CNTNAP2: variants seen among roughly 807,000 people sequenced by gnomAD.
CNTNAP2 encodes contactin-associated protein-like 2.
Under a neutral mutation model 155.2 loss-of-function variants are expected in CNTNAP2, and 98 were observed. The observed-to-expected ratio is 0.63, with a 90% confidence interval of 0.54 to 0.75. The LOEUF is 0.75. Ranked by LOEUF, CNTNAP2 falls within the 30% of genes least tolerant of loss-of-function variation. CNTNAP2 has a pLI of 0.00. For missense variants in CNTNAP2, 1,727 were observed against 1,688.1 expected (o/e 1.02, Z -0.40); for synonymous variants, 651 against 631.2 (o/e 1.03, Z -0.47).
chr7:146,459,405 A>G lies in CNTNAP2; in HGVS notation c.98-314866A>G, dbSNP rs550547475. 2.0e-5 allele frequency among the ~76,000 whole-genome samples: 3 copies of G among 152,290 alleles called. No individual in the cohort carries two copies. The South Asian group carries it at 6.2e-4, about 32-fold the overall frequency. On this transcript the variant is annotated intron_variant, in intron 1 of 23. Transcript: ENST00000361727. ...TCAGGTAGCTCCAATTGCAAGAGTG[A>G]TATAGCCAAAACTTACAATTGGAAC...
At chr7:148,152,582 G>T (rs1278572592) in intron 17 of CNTNAP2, among the ~76,000 whole-genome samples, 1 of 152,148 alleles carries the variant, frequency 6.6e-6, no homozygotes, top group Non-Finnish European at 1.5e-5. Context: ...AGGGATTCTA[G>T]AAACTACACC....
At chr7:147,399,781 A>G (rs1188880650) in intron 10 of CNTNAP2, among the ~76,000 whole-genome samples, 1 of 152,092 alleles carries the variant, frequency 6.6e-6, no homozygotes, top group Non-Finnish European at 1.5e-5. Flanking sequence ...TTAACTCTTG[A>G]GGGTCTTTGG....
chr7:147,008,284 T>G (rs1332101049), intron 3 of CNTNAP2, among the ~76,000 whole-genome samples: 1 of 152,100 alleles, frequency 6.6e-6, no homozygotes, highest in East Asian at 1.9e-4. Flanking sequence ...TTCTAAATCT[T>G]CCATTATTTC....
rs142203772 is a variant in CNTNAP2, at chr7:147,789,326, C to T, written c.2099-114239C>T. On this transcript the variant is annotated intron_variant, in intron 13 of 23. Transcript: ENST00000361727. ...AAACAACCTTTCACTTCCTCCACTG[C>T]AGTCACTTCTTGGCTGGTCGTTCTA... 8.4e-3 allele frequency among the ~76,000 whole-genome samples: 1,280 copies of T among 152,314 alleles called. 9 individuals carry two copies. Among genetic ancestry groups the T allele is most frequent in the Middle Eastern group, 0.02 (6 of 294 alleles).
intron 15 of CNTNAP2, among the ~76,000 whole-genome samples, chr7:148,049,719 G>A (rs904620696): frequency 2.7e-4 from 41 of 152,288 alleles, no homozygotes; most frequent in African/African-American, 9.6e-4. Context: ...CTACTGCACT[G>A]CCAGGCATAT....
intron 4 of CNTNAP2, among the ~76,000 whole-genome samples, chr7:147,051,112 C>T (rs1008250128): frequency 2.6e-5 from 4 of 151,174 alleles, no homozygotes; most frequent in South Asian, 2.1e-4. Context: ...AATAAGGCCA[C>T]GCTTTGAGGT....
chr7:147,329,155 C>T (rs1410339096), intron 9 of CNTNAP2, among the ~76,000 whole-genome samples: 1 of 152,006 alleles, frequency 6.6e-6, no homozygotes, highest in Non-Finnish European at 1.5e-5. Flanking sequence ...CACACACACA[C>T]ACACCCACGC....
At chr7:146,867,246 C>T (rs1344499483) in intron 3 of CNTNAP2, among the ~76,000 whole-genome samples, 1 of 152,050 alleles carries the variant, frequency 6.6e-6, no homozygotes, top group African/African-American at 2.4e-5. Flanking sequence ...CATTAGGCTC[C>T]CATTTCTAAG....
intron 1 of CNTNAP2, among the ~76,000 whole-genome samples, chr7:146,366,430 C>T (rs1025073353): frequency 2.6e-5 from 4 of 151,942 alleles, no homozygotes; most frequent in South Asian, 4.1e-4. Context: ...GGACAAGGCA[C>T]GTCAATTGCT....
rs1441456311 is a variant in CNTNAP2 at position 147,291,591 on chromosome 7, C to G, written c.1349-8550C>G. Among the ~76,000 whole-genome samples the G allele has an allele frequency of 2.6e-5, 4 of 152,032 alleles. No homozygotes were observed. In the East Asian group the frequency reaches 7.7e-4, roughly 29 times the overall value. On this transcript the variant is annotated intron_variant, in intron 8 of 23. Transcript: ENST00000361727. ...CAATTTGCAACTGTCATGAATAAGG[C>G]TGTCAAGCATTCCTGTATGAGTATT...
At chr7:147,580,883 T>G (rs1353294087) in intron 12 of CNTNAP2, among the ~76,000 whole-genome samples, 1 of 152,202 alleles carries the variant, frequency 6.6e-6, no homozygotes, top group Non-Finnish European at 1.5e-5. Context: ...CCCAAAGTGC[T>G]GGGATTACAG....
At chr7:148,286,347 A>C (rs530743762) in intron 21 of CNTNAP2, among the ~76,000 whole-genome samples, 1 of 152,268 alleles carries the variant, frequency 6.6e-6, no homozygotes, top group Non-Finnish European at 1.5e-5. Context: ...ATCGGCTTTT[A>C]ACCAGTAGAG....
chr7:147,117,472 G>C (rs904049837), intron 5 of CNTNAP2, among the ~76,000 whole-genome samples: 6 of 152,048 alleles, frequency 3.9e-5, no homozygotes, highest in African/African-American at 1.4e-4. Context: ...GTGTGAAGTT[G>C]TTTCCCTAAT....
chr7:147,163,298 G>T (rs554160566), intron 8 of CNTNAP2, among the ~76,000 whole-genome samples: 2 of 152,242 alleles, frequency 1.3e-5, no homozygotes, highest in African/African-American at 2.4e-5. Context: ...TCCTTAAAAG[G>T]TCTGAAAAAT....
chr7:147,753,866 G>A (rs1224920982), intron 13 of CNTNAP2, among the ~76,000 whole-genome samples: 1 of 152,152 alleles, frequency 6.6e-6, no homozygotes. Context: ...TCTAAGGTCA[G>A]AAAGTAATGG....
chr7:146,429,358 A>G (rs1796139423), intron 1 of CNTNAP2, among the ~76,000 whole-genome samples: 1 of 152,140 alleles, frequency 6.6e-6, no homozygotes, highest in African/African-American at 2.4e-5. Context: ...CTTCCTATTC[A>G]TGAGCATGAA....
At chr7:147,123,488 A>G (rs537514745) in intron 6 of CNTNAP2, among the ~76,000 whole-genome samples, 2 of 152,230 alleles carry the variant, frequency 1.3e-5, no homozygotes, top group African/African-American at 4.8e-5. Flanking sequence ...TCTATATACA[A>G]TGTCGTGTTT....
Position 147,581,767 on chromosome 7 carries a change from C to T in CNTNAP2, c.1897+19510C>T, listed in dbSNP as rs1800505135. On this transcript the variant is annotated intron_variant, in intron 12 of 23. Transcript: ENST00000361727. ...TTAGTTATCTGAAATAAAACAACAA[C>T]AAAATGTTTCTAGTGGTATGACTGT... Among the ~76,000 whole-genome samples the T allele has an allele frequency of 2.0e-5, 3 of 152,114 alleles. No homozygotes were observed. In the South Asian group the frequency reaches 6.2e-4, roughly 32 times the overall value.
chr7:147,661,821 G>C (rs1795615342), intron 13 of CNTNAP2, among the ~76,000 whole-genome samples: 1 of 152,144 alleles, frequency 6.6e-6, no homozygotes, highest in African/African-American at 2.4e-5. Flanking sequence ...AAAGTGCTGG[G>C]ATTATAGGCG....
Sources: allele counts gnomAD v4.1 joint callset (sites outside exome capture counted in the v4.1 genomes callset), GRCh38; gene constraint gnomAD v4.1.1; transcripts MANE v1.5; gene names NCBI Gene and HGNC (gene_info 2026-07-23, HGNC 2026-07-21).